Variants in PDE3A observed in about 807,000 individuals in gnomAD.
The protein encoded by PDE3A is cGMP-inhibited 3',5'-cyclic phosphodiesterase 3A.
A neutral mutation model predicts 98.3 loss-of-function variants in PDE3A; 43 were observed. That is an observed-to-expected ratio of 0.44 (90% CI 0.34 to 0.56). The LOEUF (loss-of-function observed/expected upper bound fraction) is 0.56, where lower values mean the gene tolerates loss of function less well. PDE3A is among the 20% of genes least tolerant of loss of function. The pLI is 0.01. For synonymous variants in PDE3A, 663 were observed against 567.9 expected, an observed-to-expected ratio of 1.17 and a Z score of -2.38; for missense variants, 1,427 against 1,440.7, an observed-to-expected ratio of 0.99 and a Z score of 0.15.
intron 2 of PDE3A, among the ~76,000 whole-genome samples, chr12:20,597,819 A>C (rs1943501360): frequency 6.6e-6 from 1 of 152,194 alleles, no homozygotes; most frequent in Non-Finnish European, 1.5e-5. Flanking sequence ...TAAGGTGTAG[A>C]TAGTACCAGG....
rs748773828 is a variant in PDE3A, at chr12:20,654,225, T to C, written c.3184+20T>C. 3.1e-6 allele frequency: 5 copies of C among 1,610,126 alleles called. No individual in the cohort carries two copies. The highest frequency in any genetic ancestry group is 4.2e-6 in the Non-Finnish European group (5 of 1,177,040). On this transcript the variant is annotated intron_variant, in intron 15 of 15. Coordinates refer to ENST00000359062, the MANE Select transcript of PDE3A (RefSeq NM_000921.5). ...CTCCAAGTAAGTTCTAAAACCTAGT[T>C]CTAATGTGTTTTCCCTGGGATTGCT...
chr12:20,459,889 T>G (rs998138113), intron 1 of PDE3A, among the ~76,000 whole-genome samples: 2 of 152,098 alleles, frequency 1.3e-5, no homozygotes, highest in African/African-American at 4.8e-5. Flanking sequence ...TATCCAAATA[T>G]CAGAAGGCTA....
At chr12:20,673,754 C>G (rs1027868116) in intron 15 of PDE3A, among the ~76,000 whole-genome samples, 4 of 145,640 alleles carry the variant, frequency 2.7e-5, no homozygotes, top group African/African-American at 1.0e-4. Flanking sequence ...TGCTAGATGA[C>G]GAGTTAGTGG....
In PDE3A at chr12:20,681,137, A is replaced by G. The variant is rs1269040179; in HGVS notation, c.*866A>G. The G allele has an allele frequency of 6.6e-6, 1 of 152,106 alleles. No homozygotes were observed. Among genetic ancestry groups the G allele is most frequent in the Non-Finnish European group, 1.5e-5 (1 of 68,044 alleles). 9.4% of individuals were successfully genotyped at this position (152,106 alleles called of 1,614,324 possible). A position where few individuals can be genotyped will look rare whatever the true frequency, so the allele number is the denominator to read the frequency against. The stretch of plus-strand genomic sequence containing the variant: ...AGGGCCACGTGTTTGGTATTACATT[A>G]CTGCTATGCACCACTTGAAGGAGCT... On this transcript the variant is annotated 3_prime_UTR_variant, in exon 16 of 16. Coordinates refer to ENST00000359062, the MANE Select transcript of PDE3A (RefSeq NM_000921.5).
At chr12:20,457,557 A>G (rs1392212823) in intron 1 of PDE3A, among the ~76,000 whole-genome samples, 5 of 151,832 alleles carry the variant, frequency 3.3e-5, no homozygotes, top group African/African-American at 9.7e-5. Context: ...CACATTATAC[A>G]TATAAATTAT....
In PDE3A at chr12:20,681,632, C is replaced by A. The variant is rs1012609201; in HGVS notation, c.*1361C>A. Reference sequence around the variant, plus strand: ...CGCTGTTTGTTGGGGTAGCTTCCATCGGCAGTCTGGCCCATTGTCAGTCAT... The same window carrying A: ...CGCTGTTTGTTGGGGTAGCTTCCATAGGCAGTCTGGCCCATTGTCAGTCAT... On this transcript the variant is annotated 3_prime_UTR_variant, in exon 16 of 16. Coordinates refer to ENST00000359062, the MANE Select transcript of PDE3A (RefSeq NM_000921.5). The A allele has an allele frequency of 6.6e-6, 1 of 152,142 alleles. No individual in the cohort carries two copies. The highest frequency in any genetic ancestry group is 1.9e-4 in the East Asian group (1 of 5,178). The allele number at this position is 152,142 out of a possible 1,614,324, so 9.4% of individuals were successfully genotyped here.
intron 2 of PDE3A, among the ~76,000 whole-genome samples, chr12:20,593,553 A>G (rs941382665): frequency 2.0e-5 from 3 of 152,128 alleles, no homozygotes; most frequent in Non-Finnish European, 4.4e-5. Context: ...TAAGGAAAAA[A>G]AAAAAAATGT....
chr12:20,581,194 T>C (rs1231676970), intron 2 of PDE3A, among the ~76,000 whole-genome samples: 1 of 152,188 alleles, frequency 6.6e-6, no homozygotes, highest in East Asian at 1.9e-4. Context: ...CCAGAAATGG[T>C]TTATATAGTT....
chr12:20,401,046 C>G (rs180947274), intron 1 of PDE3A, among the ~76,000 whole-genome samples: 1 of 152,168 alleles, frequency 6.6e-6, no homozygotes, highest in East Asian at 1.9e-4. Context: ...CTTCCTGTTT[C>G]TGTTACACTA....
intron 6 of PDE3A, among the ~76,000 whole-genome samples, chr12:20,633,311 T>A (rs1487277965): frequency 6.6e-6 from 1 of 152,182 alleles, no homozygotes; most frequent in Admixed American, 6.5e-5. Flanking sequence ...TTGGGGAAGA[T>A]AACTTTTGTC....
intron 15 of PDE3A, among the ~76,000 whole-genome samples, chr12:20,674,100 ATTTC>A (rs930660928): frequency 2.0e-5 from 3 of 152,036 alleles, no homozygotes; most frequent in African/African-American, 4.8e-5. Context: ...TGCCTTCTTA[ATTTC>A]TTTGTCAGCT....
intron 2 of PDE3A, among the ~76,000 whole-genome samples, chr12:20,598,013 A>C (rs943718606): frequency 6.6e-6 from 1 of 152,100 alleles, no homozygotes. Flanking sequence ...ATCACTTCTA[A>C]CAGTGTTTCT....
At chr12:20,459,220 A>G (rs1197263579) in intron 1 of PDE3A, among the ~76,000 whole-genome samples, 1 of 152,176 alleles carries the variant, frequency 6.6e-6, no homozygotes, top group Non-Finnish European at 1.5e-5. Context: ...TAAGACATCT[A>G]TATTTTTATA....
intron 2 of PDE3A, among the ~76,000 whole-genome samples, chr12:20,573,435 C>T (rs760874661): frequency 4.6e-5 from 7 of 151,972 alleles, no homozygotes; most frequent in Admixed American, 1.3e-4. Context: ...TATTATTATA[C>T]CTTTACCTAT....
intron 1 of PDE3A, among the ~76,000 whole-genome samples, chr12:20,488,546 G>A (rs960783555): frequency 9.2e-5 from 14 of 151,940 alleles, no homozygotes; most frequent in Admixed American, 7.2e-4. Context: ...GATGCAATTC[G>A]CAGCTGGTGC....
intron 1 of PDE3A, among the ~76,000 whole-genome samples, chr12:20,427,516 A>C (rs1479407986): frequency 6.6e-6 from 1 of 152,200 alleles, no homozygotes; most frequent in East Asian, 1.9e-4. Context: ...GCTAGATCTT[A>C]GAATTCCTTT....
chr12:20,613,426 C>A lies in PDE3A; in HGVS notation c.1012-17C>A. On this transcript the variant is annotated splice_polypyrimidine_tract_variant and intron_variant, in intron 2 of 15. Transcript: ENST00000359062. ...CAGGCCTTTTCTTGCCTGATCTTGT[C>A]TTGGTTTGTGTCTCAGTCTTCAGGA... 1 of 1,613,564 alleles carries A rather than the reference C, an allele frequency of 6.2e-7. No homozygotes were observed. The highest frequency in any genetic ancestry group is 1.1e-5 in the South Asian group (1 of 91,048).
intron 1 of PDE3A, among the ~76,000 whole-genome samples, chr12:20,481,922 G>A (rs1201733362): frequency 4.7e-5 from 7 of 150,534 alleles, no homozygotes; most frequent in African/African-American, 1.7e-4. Flanking sequence ...CCGCCACCAC[G>A]CCCAGCTAAT....
At chr12:20,484,372 C>G (rs969070123) in intron 1 of PDE3A, among the ~76,000 whole-genome samples, 1 of 151,888 alleles carries the variant, frequency 6.6e-6, no homozygotes, top group African/African-American at 2.4e-5. Context: ...TAAATAAAAC[C>G]CATTTGTAAT....
Sources: allele counts gnomAD v4.1 joint callset (sites outside exome capture counted in the v4.1 genomes callset), GRCh38; gene constraint gnomAD v4.1.1; transcripts MANE v1.5; gene names NCBI Gene and HGNC (gene_info 2026-07-23, HGNC 2026-07-21).